PCLO: variants seen among roughly 807,000 people sequenced by gnomAD.
PCLO encodes protein piccolo.
In PCLO, 82 loss-of-function variants were observed where a neutral mutation model predicts 427.5. The observed-to-expected ratio is 0.19, with a 90% CI of 0.16 to 0.23. The LOEUF (loss-of-function observed/expected upper bound fraction) is 0.23. Ranked by LOEUF, PCLO falls within the 10% of genes least tolerant of loss-of-function variation. The pLI is 1.00. For synonymous variants in PCLO, 2,357 were observed against 2,155.4 expected (o/e 1.09, Z -2.59); for missense variants, 6,239 against 6,115.9 (o/e 1.02, Z -0.67).
At chr7:83,002,607 T>G (rs1181826781) in intron 3 of PCLO, among the ~76,000 whole-genome samples, 3 of 151,932 alleles carry the variant, frequency 2.0e-5, no homozygotes, top group Non-Finnish European at 2.9e-5. Flanking sequence ...CTCCAACATC[T>G]TTTAAAATAC....
intron 3 of PCLO, among the ~76,000 whole-genome samples, chr7:83,052,466 T>C (rs1467408002): frequency 6.6e-6 from 1 of 152,052 alleles, no homozygotes; most frequent in African/African-American, 2.4e-5. Flanking sequence ...AGACTACAGT[T>C]ACACTGGTAA....
intron 3 of PCLO, among the ~76,000 whole-genome samples, chr7:83,038,852 A>G (rs1424273875): frequency 2.6e-5 from 4 of 151,984 alleles, no homozygotes; most frequent in African/African-American, 4.8e-5. Flanking sequence ...CCAGCTGTAT[A>G]TTAGGGATGG....
At chr7:82,983,224 T>C (rs1011511277) in intron 3 of PCLO, among the ~76,000 whole-genome samples, 2 of 151,308 alleles carry the variant, frequency 1.3e-5, no homozygotes, top group Non-Finnish European at 3.0e-5. Context: ...ATTCACTCTA[T>C]ATTGTTAAGT....
At chr7:82,891,251 T>C (rs1196215740) in intron 9 of PCLO, among the ~76,000 whole-genome samples, 1 of 152,130 alleles carries the variant, frequency 6.6e-6, no homozygotes, top group East Asian at 1.9e-4. Flanking sequence ...TTTTAAAAGC[T>C]GTTCTTAATC....
At chr7:83,156,435 TGGAA>T in intron 1 of PCLO, 43 bp from the exon 2 acceptor site, 8 of 1,211,506 alleles carry the variant, frequency 6.6e-6, no homozygotes, top group Non-Finnish European at 7.9e-6. Context: ...GTGAAAATAA[TGGAA>T]ATTATTTCAA....
intron 22 of PCLO, among the ~76,000 whole-genome samples, chr7:82,792,437 C>T (rs562169531): frequency 1.3e-5 from 2 of 152,020 alleles, no homozygotes; most frequent in African/African-American, 2.4e-5. Context: ...AGCGATACTC[C>T]CTCCTCAGCA....
rs368789795 is a variant in PCLO, at chr7:82,966,047, C to A, written c.3741G>T (p.Lys1247Asn). 3 of 1,613,314 alleles carry A rather than the reference C, an allele frequency of 1.9e-6. No homozygotes were observed. The highest frequency in any genetic ancestry group is 2.5e-6 in the Non-Finnish European group (3 of 1,179,766). ...CTGATGTTTTTGCCTCTGGGAGTAG[C>A]TTTTTGTCTTCAGGGGTTGGCTTTT... ...EEKKPTPEDK[K>N]LLPEAKTSAP... Residue 1247 changes from lysine to asparagine, a missense_variant, in exon 4 of 25, where the codon AAG becomes AAT. Around this residue, in one of 5 missense-constraint regions of PCLO, gnomAD observed 4,677 missense variants for 4,468.4 expected, o/e 1.05. Coordinates refer to ENST00000333891, the MANE Select transcript of PCLO (RefSeq NM_033026.6).
intron 3 of PCLO, among the ~76,000 whole-genome samples, chr7:83,051,314 G>A (rs1178377134): frequency 6.6e-6 from 1 of 152,048 alleles, no homozygotes; most frequent in East Asian, 1.9e-4. Context: ...ATCCCAAAGA[G>A]TCAACGAAAA....
At chr7:82,898,794 A>G (rs913691949) in intron 9 of PCLO, among the ~76,000 whole-genome samples, 1 of 151,512 alleles carries the variant, frequency 6.6e-6, no homozygotes, top group African/African-American at 2.4e-5. Context: ...GAAATGTAAT[A>G]TAAGACTACA....
chr7:82,769,652 T>C (rs62466889), intron 22 of PCLO, among the ~76,000 whole-genome samples: 9,663 of 152,202 alleles, frequency 0.063, 715 homozygotes, highest in African/African-American at 0.18. Context: ...AATGATACCT[T>C]GTAAACGAAA....
intron 10 of PCLO, among the ~76,000 whole-genome samples, chr7:82,852,090 T>C (rs1462104855): frequency 6.6e-6 from 1 of 151,862 alleles, no homozygotes; most frequent in African/African-American, 2.4e-5. Flanking sequence ...GGGGGAATCT[T>C]TGGTAAAGGA....
At chr7:82,833,624 AGTT>A (rs1792152597) in intron 16 of PCLO, among the ~76,000 whole-genome samples, 1 of 152,140 alleles carries the variant, frequency 6.6e-6, no homozygotes. Flanking sequence ...ATTAAAGAAA[AGTT>A]GTTTAATTTT....
At chr7:82,897,633 T>C (rs560305916) in intron 9 of PCLO, among the ~76,000 whole-genome samples, 22 of 151,582 alleles carry the variant, frequency 1.5e-4, no homozygotes, top group African/African-American at 4.1e-4. Context: ...TCTGGGTCTT[T>C]GTTGTGTTCA....
chr7:83,160,465 A>T (rs1412087173), intron 1 of PCLO, among the ~76,000 whole-genome samples: 1 of 152,136 alleles, frequency 6.6e-6, no homozygotes, highest in Non-Finnish European at 1.5e-5. Context: ...ATATATAGGG[A>T]AAATAACTTT....
intron 14 of PCLO, 127 bp from the exon 15 acceptor site, chr7:82,838,469 G>A (rs188595180): frequency 7.1e-4 from 414 of 584,780 alleles, no homozygotes; most frequent in Admixed American, 3.4e-3. Flanking sequence ...CATTTTATTT[G>A]AAACCAAACA....
At chr7:83,089,737 G>A (rs1311126787) in intron 3 of PCLO, among the ~76,000 whole-genome samples, 1 of 152,130 alleles carries the variant, frequency 6.6e-6, no homozygotes, top group African/African-American at 2.4e-5. Flanking sequence ...AAGGCAGGCA[G>A]CTTCTGCACT....
chr7:82,980,938 C>T (rs1361824296), intron 3 of PCLO, among the ~76,000 whole-genome samples: 1 of 152,056 alleles, frequency 6.6e-6, no homozygotes, highest in Non-Finnish European at 1.5e-5. Flanking sequence ...GTTCAATACA[C>T]AGATGAAAAA....
chr7:83,097,870 A>G (rs1167437890), intron 3 of PCLO, among the ~76,000 whole-genome samples: 1 of 152,028 alleles, frequency 6.6e-6, no homozygotes. Flanking sequence ...TATACATACT[A>G]TATAATACAT....
At chr7:82,918,681 A>C (rs758245461) in intron 6 of PCLO, among the ~76,000 whole-genome samples, 1 of 152,022 alleles carries the variant, frequency 6.6e-6, no homozygotes, top group Non-Finnish European at 1.5e-5. Flanking sequence ...TTTTTTCTTA[A>C]CATGTATGTG....
Sources: allele counts gnomAD v4.1 joint callset (sites outside exome capture counted in the v4.1 genomes callset), GRCh38; gene constraint gnomAD v4.1.1; regional missense constraint gnomAD v4.1.1; transcripts MANE v1.5; gene names NCBI Gene and HGNC (gene_info 2026-07-23, HGNC 2026-07-21).